The following STK3 variants were observed in gnomAD, a reference collection of about 807,000 sequenced individuals.
The protein encoded by STK3 is serine/threonine kinase 3.
STK3 carries 41 observed loss-of-function variants against 58.0 expected under a neutral mutation model. The ratio of observed to expected loss-of-function variants is 0.71; its 90% CI spans 0.55 to 0.92. The LOEUF is 0.92. STK3 is among the 40% of genes least tolerant of loss of function. The pLI is 0.00. For synonymous variants in STK3, 170 were observed against 191.0 expected, an observed-to-expected ratio of 0.89 and a Z score of 0.91; for missense variants, 479 against 602.7, an observed-to-expected ratio of 0.79 and a Z score of 2.15.
At chr8:98,939,761 C>G (rs1400559326) in intron 1 of STK3, among the ~76,000 whole-genome samples, 2 of 152,270 alleles carry the variant, frequency 1.3e-5, no homozygotes, top group Admixed American at 6.5e-5. Context: ...GTGCCCTAGT[C>G]TTTTCCGAGG....
At chr8:98,814,380 G>A (rs930477849) in intron 1 of STK3, among the ~76,000 whole-genome samples, 23 of 143,070 alleles carry the variant, frequency 1.6e-4, no homozygotes, top group African/African-American at 5.7e-4. Flanking sequence ...TCACCCAAGC[G>A]CAGTCCAAGC....
chr8:98,447,825 C>T (rs4623381), intron 1 of STK3, among the ~76,000 whole-genome samples: 1 of 148,636 alleles, frequency 6.7e-6, no homozygotes, highest in African/African-American at 2.4e-5. Flanking sequence ...GAGCAAGGCA[C>T]CAGGATTCAT....
intron 1 of STK3, among the ~76,000 whole-genome samples, chr8:98,446,881 T>C (rs1419145003): frequency 1.3e-5 from 2 of 152,134 alleles, no homozygotes; most frequent in Non-Finnish European, 2.9e-5. Context: ...ATACAGTATA[T>C]ATACACCATA....
intron 1 of STK3, 45 bp from the exon 2 acceptor site, chr8:98,774,864 C>G: frequency 7.2e-7 from 1 of 1,386,658 alleles, no homozygotes; most frequent in Non-Finnish European, 9.7e-7. Flanking sequence ...TCTTTAAAGA[C>G]CTTTTACAAA....
chr8:98,829,929 A>G (rs887164483), upstream of STK3, among the ~76,000 whole-genome samples: 1 of 152,202 alleles, frequency 6.6e-6, no homozygotes, highest in Non-Finnish European at 1.5e-5. Context: ...AAGGGAATAT[A>G]AAGTGGAGGG....
intron 6 of STK3, among the ~76,000 whole-genome samples, chr8:98,686,164 A>G (rs1405459482): frequency 1.3e-5 from 2 of 152,160 alleles, no homozygotes; most frequent in Non-Finnish European, 2.9e-5. Context: ...TGTGCTTACT[A>G]CTACTTCCTA....
chr8:98,757,151 G>A (rs1830338340), intron 3 of STK3, among the ~76,000 whole-genome samples: 1 of 151,652 alleles, frequency 6.6e-6, no homozygotes, highest in African/African-American at 2.4e-5. Context: ...CTCTTGATCT[G>A]TTGGCCTCAT....
At chr8:98,364,959 T>C in the STK3 span, among the ~76,000 whole-genome samples, 1 of 101,564 alleles carries the variant, frequency 9.8e-6, no homozygotes, top group East Asian at 2.7e-4. Context: ...TTTCCGTTTT[T>C]ACTGGACCAC....
intron 1 of STK3, among the ~76,000 whole-genome samples, chr8:98,893,502 A>AAG (rs1838323998): frequency 1.4e-5 from 2 of 145,380 alleles, no homozygotes; most frequent in East Asian, 4.0e-4. Flanking sequence ...GAAAGAAAGA[A>AAG]AGAAAGAAAG....
intron 1 of STK3, among the ~76,000 whole-genome samples, chr8:98,789,568 G>A (rs566084236): frequency 7.2e-4 from 110 of 152,188 alleles, no homozygotes; most frequent in Non-Finnish European, 1.3e-3. Context: ...ACCGAAAAGG[G>A]AGATATTACA....
intron 10 of STK3, among the ~76,000 whole-genome samples, chr8:98,487,179 G>A (rs1332442295): frequency 2.6e-5 from 4 of 152,136 alleles, no homozygotes; most frequent in Non-Finnish European, 5.9e-5. Flanking sequence ...AGTCTCATAA[G>A]TTCACTATAA....
intron 7 of STK3, among the ~76,000 whole-genome samples, chr8:98,589,844 G>A (rs1815111163): frequency 6.6e-6 from 1 of 152,234 alleles, no homozygotes; most frequent in Admixed American, 6.5e-5. Context: ...GTATTAGGGT[G>A]GGAGTGGCCT....
At chr8:98,866,488 G>T (rs149428530) in intron 3 of STK3, among the ~76,000 whole-genome samples, 6 of 152,314 alleles carry the variant, frequency 3.9e-5, no homozygotes, top group Non-Finnish European at 8.8e-5. Context: ...AAATTTCGTT[G>T]AGACATAGGT....
At chr8:98,524,353 T>A (rs937524426) in intron 10 of STK3, among the ~76,000 whole-genome samples, 2 of 152,216 alleles carry the variant, frequency 1.3e-5, no homozygotes, top group African/African-American at 4.8e-5. Context: ...AGAATCCATA[T>A]GAATTTTAGG....
chr8:98,827,192 C>T (rs966458216), upstream of STK3, among the ~76,000 whole-genome samples: 7 of 147,718 alleles, frequency 4.7e-5, no homozygotes, highest in African/African-American at 1.5e-4. Flanking sequence ...AAAAGTTAGC[C>T]GGGCCTGGTG....
At chr8:98,726,881 T>C (rs1827831872) in intron 4 of STK3, among the ~76,000 whole-genome samples, 1 of 152,218 alleles carries the variant, frequency 6.6e-6, no homozygotes, top group African/African-American at 2.4e-5. Context: ...AAGCTTTGAC[T>C]CAATGTCACC....
intron 8 of STK3, among the ~76,000 whole-genome samples, chr8:98,560,019 G>A (rs1246134641): frequency 6.6e-6 from 1 of 152,010 alleles, no homozygotes; most frequent in East Asian, 1.9e-4. Flanking sequence ...CTCTATCACA[G>A]TACTTGCTAC....
intron 1 of STK3, among the ~76,000 whole-genome samples, chr8:98,915,457 TATATATATATATAG>T (rs999710660): frequency 5.7e-5 from 8 of 139,936 alleles, no homozygotes; most frequent in African/African-American, 1.9e-4. Context: ...TATATATATA[TATATATATATATAG>T]TTCTGTCCTC....
intron 6 of STK3, among the ~76,000 whole-genome samples, chr8:98,615,054 T>A (rs578257674): frequency 6.6e-6 from 1 of 151,970 alleles, no homozygotes; most frequent in Non-Finnish European, 1.5e-5. Context: ...CAGACTTAAA[T>A]GTCCCTGTCT....
Sources: gnomAD v4.1 joint callset for allele counts (sites outside exome capture counted in the v4.1 genomes callset) on GRCh38, gnomAD v4.1.1 for gene constraint, MANE v1.5 for transcripts, NCBI Gene and HGNC (gene_info 2026-07-23, HGNC 2026-07-21) for gene names.